The following KCNQ1 variants were observed in gnomAD, a reference collection of about 807,000 sequenced individuals.
The protein encoded by KCNQ1 is potassium voltage-gated channel subfamily KQT member 1.
In KCNQ1, 49 loss-of-function variants were observed where a neutral mutation model predicts 72.4. That is an observed-to-expected ratio of 0.68 (90% CI 0.54 to 0.86). The LOEUF is 0.86. Among genes scored for constraint, KCNQ1 ranks in the 40% least tolerant of loss-of-function variants. The pLI is 0.00. For synonymous variants in KCNQ1, 450 were observed against 412.6 expected (o/e 1.09, Z -1.10); for missense variants, 790 against 945.1 (o/e 0.84, Z 2.15).
chr11:2,844,720 CCT>C (rs987991526), intron 15 of KCNQ1, among the ~76,000 whole-genome samples: 2 of 152,222 alleles, frequency 1.3e-5, no homozygotes, highest in Non-Finnish European at 2.9e-5. Flanking sequence ...CCAAGAATCC[CCT>C]GTGAAGGCCT....
intron 2 of KCNQ1, among the ~76,000 whole-genome samples, chr11:2,556,369 G>T (rs112117834): frequency 2.7e-4 from 41 of 152,136 alleles, no homozygotes; most frequent in African/African-American, 9.9e-4. Context: ...CAGTTTAGCC[G>T]GTAGGAATAC....
chr11:2,758,593 A>G (rs573025263), intron 11 of KCNQ1, among the ~76,000 whole-genome samples: 2 of 152,334 alleles, frequency 1.3e-5, no homozygotes, highest in African/African-American at 4.8e-5. Context: ...ATATTCATAC[A>G]CAAAACTAAA....
At chr11:2,709,657 G>A (rs1313615579) in intron 11 of KCNQ1, among the ~76,000 whole-genome samples, 4 of 151,816 alleles carry the variant, frequency 2.6e-5, no homozygotes, top group Non-Finnish European at 5.9e-5. Context: ...TCATTCCCCA[G>A]CCCCAGTCAG....
At position 2,648,569 on chromosome 11, in the gene KCNQ1, T is replaced by A. The variant is rs73417386; in HGVS notation, c.1394-13392T>A. On this transcript the variant is annotated intron_variant, in intron 10 of 15. Coordinates refer to ENST00000155840, the MANE Select transcript of KCNQ1 (RefSeq NM_000218.3). The stretch of plus-strand genomic sequence containing the variant: ...GAACATGTAGTTTGATTTCCGTGTA[T>A]CTGTTCAATTTCAGAAGTTCCTCTT... 1.3e-3 allele frequency: 506 copies of A among 398,550 alleles called. 3 individuals carry two copies. The highest frequency in any genetic ancestry group is 9.4e-3 in the African/African-American group (456 of 48,748). 24.7% of individuals were successfully genotyped at this position (398,550 alleles called of 1,614,324 possible).
chr11:2,709,408 G>A (rs371811982), intron 11 of KCNQ1, among the ~76,000 whole-genome samples: 4 of 135,136 alleles, frequency 3.0e-5, no homozygotes, highest in Non-Finnish European at 4.6e-5. Flanking sequence ...TGGTGCTACG[G>A]TCCTGCAGGG....
Position 2,617,681 on chromosome 11 carries a change from A to G in KCNQ1, c.1393+28827A>G, listed in dbSNP as rs1008183091. 23 of 398,446 alleles carry G rather than the reference A, an allele frequency of 5.8e-5. No individual in the cohort carries two copies. The highest frequency in any genetic ancestry group is 4.1e-4 in the African/African-American group (20 of 48,712). The allele number at this position is 398,446 out of a possible 1,614,324, so 24.7% of individuals were successfully genotyped here. On this transcript the variant is annotated intron_variant, in intron 10 of 15. Coordinates refer to ENST00000155840, the MANE Select transcript of KCNQ1 (RefSeq NM_000218.3). The surrounding 1 kb of genome is among the most constrained non-coding windows in gnomAD (Gnocchi z 4.6). The stretch of plus-strand genomic sequence containing the variant: ...TGCACCAATCTACAGTCCCACCAAC[A>G]CTGTACAAGAGTTCCCTAACCCTAG...
At chr11:2,708,493 G>T (rs1241579058) in intron 11 of KCNQ1, among the ~76,000 whole-genome samples, 1 of 152,186 alleles carries the variant, frequency 6.6e-6, no homozygotes, top group Admixed American at 6.5e-5. Flanking sequence ...GTGGAGCCCA[G>T]GCTTATCCCC....
Position 2,588,988 on chromosome 11 carries a change from G to C in KCNQ1, c.1393+134G>C, listed in dbSNP as rs1383273856. On this transcript the variant is annotated intron_variant, in intron 10 of 15. Coordinates refer to ENST00000155840, the MANE Select transcript of KCNQ1 (RefSeq NM_000218.3). This position sits in a 1 kb window ranked among gnomAD's most constrained non-coding sequence, Gnocchi z 5.6. ...ACGAGGTATGAACAGACAGAGGGTG[G>C]AGCTTCTAGAAACTTCTGTAAACCT... 1 of 1,101,422 alleles carries C rather than the reference G, an allele frequency of 9.1e-7. No homozygotes were observed. Among genetic ancestry groups the C allele is most frequent in the Non-Finnish European group, 1.3e-6 (1 of 760,022 alleles). 68.2% of individuals were successfully genotyped at this position (1,101,422 alleles called of 1,614,324 possible).
At chr11:2,528,824 A>G (rs1327344016) in intron 2 of KCNQ1, among the ~76,000 whole-genome samples, 1 of 152,238 alleles carries the variant, frequency 6.6e-6, no homozygotes, top group Non-Finnish European at 1.5e-5. Context: ...GCTTTCTGGC[A>G]CTGTGTCTTC....
At chr11:2,835,045 G>C (rs964122391) in intron 15 of KCNQ1, among the ~76,000 whole-genome samples, 5 of 152,054 alleles carry the variant, frequency 3.3e-5, no homozygotes, top group Admixed American at 2.0e-4. Flanking sequence ...AGCCAGAAGC[G>C]GGGGAGGGAG....
intron 11 of KCNQ1, among the ~76,000 whole-genome samples, chr11:2,749,986 G>A (rs1416677888): frequency 1.3e-5 from 2 of 152,042 alleles, no homozygotes; most frequent in African/African-American, 2.4e-5. Flanking sequence ...AAAAGTACAG[G>A]GGCTCTACAC....
chr11:2,508,497 A>C lies in KCNQ1; in HGVS notation c.387-19431A>C, dbSNP rs1455676643. Among the ~76,000 whole-genome samples the C allele has an allele frequency of 1.3e-5, 2 of 151,960 alleles. No homozygotes were observed. The highest frequency in any genetic ancestry group is 3.9e-4 in the East Asian group (2 of 5,144). ...TCCTGAGTGGAGTGTCCCATCTGTC[A>C]TGCAGAGAGGGTGATGATATAACCA... On this transcript the variant is annotated intron_variant, in intron 1 of 15. Coordinates refer to ENST00000155840, the MANE Select transcript of KCNQ1 (RefSeq NM_000218.3). This position sits in a 1 kb window ranked among gnomAD's most constrained non-coding sequence, Gnocchi z 6.2.
At position 2,824,746 on chromosome 11, in the gene KCNQ1, C is replaced by T. The variant is rs1051685492; in HGVS notation, c.1795-23021C>T. ...TCAGGAGCTTGGGCATCCTAGAGGC[C>T]CCCGGGACAGCTTTGAGGAAGGAAC... On this transcript the variant is annotated intron_variant, in intron 15 of 15. Transcript: ENST00000155840. The surrounding 1 kb of genome is among the most constrained non-coding windows in gnomAD (Gnocchi z 5.9). Among the ~76,000 whole-genome samples the T allele has an allele frequency of 1.3e-5, 2 of 151,748 alleles. No homozygotes were observed. Among genetic ancestry groups the T allele is most frequent in the Non-Finnish European group, 2.9e-5 (2 of 67,834 alleles).
At chr11:2,570,524 C>T in intron 2 of KCNQ1, 104 bp from the exon 3 acceptor site, 1 of 1,504,932 alleles carries the variant, frequency 6.6e-7, no homozygotes, top group South Asian at 1.2e-5. Flanking sequence ...TCAGGGTGTC[C>T]TTCAGCGGAG....
chr11:2,820,501 C>T (rs981501163), intron 15 of KCNQ1, among the ~76,000 whole-genome samples: 3 of 152,064 alleles, frequency 2.0e-5, no homozygotes, highest in Non-Finnish European at 4.4e-5. Context: ...GGAGTCTTTT[C>T]TGTTAATTGT....
chr11:2,531,748 A>G (rs1847637145), intron 2 of KCNQ1, among the ~76,000 whole-genome samples: 2 of 152,142 alleles, frequency 1.3e-5, no homozygotes, highest in African/African-American at 4.8e-5. Context: ...ACTGCTTGGA[A>G]GGCAGAGAGA....
At position 2,664,495 on chromosome 11, in the gene KCNQ1, G is replaced by A. The variant is rs1051376955; in HGVS notation, c.1514+2414G>A. Reference sequence around the variant, plus strand: ...CCACTCCATCTGGGGGAGAAGGCTGGCAGCAGTGGGCACCCTGTTTCCTCA... The same window carrying A: ...CCACTCCATCTGGGGGAGAAGGCTGACAGCAGTGGGCACCCTGTTTCCTCA... On this transcript the variant is annotated intron_variant, in intron 11 of 15. Transcript: ENST00000155840. The surrounding 1 kb of genome is among the most constrained non-coding windows in gnomAD (Gnocchi z 5.1). 2.0e-5 allele frequency: 8 copies of A among 398,654 alleles called. No homozygotes were observed. The South Asian group carries it at 8.9e-4, about 44-fold the overall frequency. The allele number at this position is 398,654 out of a possible 1,614,324, so 24.7% of individuals were successfully genotyped here.
rs1847962724 is a variant in KCNQ1 at position 2,550,223 on chromosome 11, C to A, written c.478-20405C>A. Among the ~76,000 whole-genome samples, 2 of 152,240 alleles carry A rather than the reference C, an allele frequency of 1.3e-5. No individual in the cohort carries two copies. The highest frequency in any genetic ancestry group is 2.9e-5 in the Non-Finnish European group (2 of 68,030). ...CTCTTTGCCGTTGCCGGGACTGGGCCGTGTGCCTGGAGTTTGAACTTTTCT... is the reference window on the plus strand; with the variant it reads ...CTCTTTGCCGTTGCCGGGACTGGGCAGTGTGCCTGGAGTTTGAACTTTTCT... On this transcript the variant is annotated intron_variant, in intron 2 of 15. Coordinates refer to ENST00000155840, the MANE Select transcript of KCNQ1 (RefSeq NM_000218.3). This position sits in a 1 kb window ranked among gnomAD's most constrained non-coding sequence, Gnocchi z 6.0.
rs557219250 is a variant in KCNQ1 at position 2,463,802 on chromosome 11, G to A, written c.386+18318G>A. 8.1e-4 allele frequency among the ~76,000 whole-genome samples: 123 copies of A among 152,346 alleles called. No individual in the cohort carries two copies. Among genetic ancestry groups the A allele is most frequent in the Non-Finnish European group, 9.0e-4 (61 of 68,028 alleles). On this transcript the variant is annotated intron_variant, in intron 1 of 15. Transcript: ENST00000155840. The surrounding 1 kb of genome is among the most constrained non-coding windows in gnomAD (Gnocchi z 7.0). ...GCCCTGCGAGGGGGTCAGCCCTGAA[G>A]CCGGATGGCCCGGCCCCCGCTACCA...
Sources: allele counts gnomAD v4.1 joint callset (sites outside exome capture counted in the v4.1 genomes callset), GRCh38; gene constraint gnomAD v4.1.1; non-coding constraint Gnocchi (gnomAD v3.1); transcripts MANE v1.5; gene names NCBI Gene and HGNC (gene_info 2026-07-23, HGNC 2026-07-21).